The following AFF1 variants were observed in gnomAD, a reference collection of about 807,000 sequenced individuals.
AFF1 encodes ALF transcription elongation factor 1, also known as AF4/FMR2 family member 1.
Under a neutral mutation model 121.7 loss-of-function variants are expected in AFF1, and 48 were observed. That is an observed-to-expected ratio of 0.39 (90% CI 0.31 to 0.50). The LOEUF (loss-of-function observed/expected upper bound fraction) is 0.50, where lower values mean the gene tolerates loss of function less well. Ranked by LOEUF, AFF1 falls within the 20% of genes least tolerant of loss-of-function variation. AFF1 has a pLI of 0.76. For missense variants in AFF1, 1,523 were observed against 1,511.7 expected (o/e 1.01, Z -0.12); for synonymous variants, 613 against 563.0 (o/e 1.09, Z -1.26).
chr4:87,105,840 T>G lies in AFF1; in HGVS notation c.1371T>G (p.Pro457=). ...TPEKPPSSSA[P]PSAPQSLPEP... ...AGAAGCCTCCCTCCTCATCTGCACC[T>G]CCAAGGTACCGTGTGGGTTTCTCCC... The change falls in exon 10 of 21, where the codon CCT becomes CCG. Residue 457 remains proline (P), a synonymous_variant. Coordinates refer to ENST00000395146, the MANE Select transcript of AFF1 (RefSeq NM_001166693.3). 1 of 1,614,130 alleles carries G rather than the reference T, an allele frequency of 6.2e-7. No homozygotes were observed. Among genetic ancestry groups the G allele is most frequent in the Non-Finnish European group, 8.5e-7 (1 of 1,179,994 alleles).
rs537043625 is a variant in AFF1, at chr4:86,983,728, AAAAC to A, written c.38+35161_38+35164del. 3.4e-3 allele frequency among the ~76,000 whole-genome samples: 516 copies of A among 149,796 alleles called. 7 individuals carry two copies. Among genetic ancestry groups the A allele is most frequent in the African/African-American group, 0.012 (496 of 40,730 alleles). ...TGTCTCAAATGAAAAACCAAAAAAA[AAAAC>A]AAAAAACAAATAAAATACTTTGTCG... On this transcript the variant is annotated intron_variant, in intron 2 of 20. Transcript: ENST00000395146.
intron 2 of AFF1, among the ~76,000 whole-genome samples, chr4:86,976,428 A>G (rs1014727350): frequency 6.6e-5 from 10 of 152,158 alleles, no homozygotes; most frequent in Non-Finnish European, 1.2e-4. Flanking sequence ...ACCATGTCAT[A>G]TCACGCACCC....
chr4:86,961,574 G>T (rs1722145666), intron 2 of AFF1, among the ~76,000 whole-genome samples: 1 of 151,856 alleles, frequency 6.6e-6, no homozygotes, highest in African/African-American at 2.4e-5. Context: ...GGGGCATAGT[G>T]GGGGTGTGGG....
intron 2 of AFF1, among the ~76,000 whole-genome samples, chr4:86,972,799 C>T (rs1723036579): frequency 1.3e-5 from 2 of 152,148 alleles, no homozygotes; most frequent in Admixed American, 6.5e-5. Context: ...ATCTACCTCC[C>T]AAAGTGCTGG....
intron 2 of AFF1, among the ~76,000 whole-genome samples, chr4:87,012,531 T>C (rs1726882424): frequency 6.6e-6 from 1 of 152,160 alleles, no homozygotes; most frequent in African/African-American, 2.4e-5. Flanking sequence ...GGTTAAATGA[T>C]TACCAATCGT....
intron 4 of AFF1, among the ~76,000 whole-genome samples, chr4:87,083,083 A>G (rs756036122): frequency 3.9e-5 from 6 of 152,230 alleles, no homozygotes; most frequent in African/African-American, 9.6e-5. Flanking sequence ...GCAAGTTGCT[A>G]TTCCATTGAA....
intron 11 of AFF1, among the ~76,000 whole-genome samples, chr4:87,114,045 A>C (rs184480354): frequency 3.0e-4 from 46 of 152,372 alleles, no homozygotes; most frequent in African/African-American, 1.0e-3. Context: ...AGTAGTTCAC[A>C]AAACAAAATG....
Position 86,948,487 on chromosome 4 carries a change from T to A in AFF1, c.-36-11T>A. 1 of 1,525,198 alleles carries A rather than the reference T, an allele frequency of 6.6e-7. No individual in the cohort carries two copies. Among genetic ancestry groups the A allele is most frequent in the Non-Finnish European group, 8.8e-7 (1 of 1,136,720 alleles). 94.5% of individuals were successfully genotyped at this position (1,525,198 alleles called of 1,614,324 possible). A position where few individuals can be genotyped will look rare whatever the true frequency, so the allele number is the denominator to read the frequency against. On this transcript the variant is annotated splice_polypyrimidine_tract_variant and intron_variant, in intron 1 of 20. Coordinates refer to ENST00000395146, the MANE Select transcript of AFF1 (RefSeq NM_001166693.3). ...CTAATGTTCACAGGCTACTCTTTGTTTCTCTTTCAGATGAACAGACTAGCC... is the reference window on the plus strand; with the variant it reads ...CTAATGTTCACAGGCTACTCTTTGTATCTCTTTCAGATGAACAGACTAGCC...
At chr4:87,101,649 GCC>G (rs1725443697) in intron 8 of AFF1, among the ~76,000 whole-genome samples, 1 of 152,038 alleles carries the variant, frequency 6.6e-6, no homozygotes, top group African/African-American at 2.4e-5. Flanking sequence ...TGCCTTGTGT[GCC>G]ATTGCCCATC....
chr4:86,963,429 G>A (rs529163992), intron 2 of AFF1, among the ~76,000 whole-genome samples: 1 of 152,108 alleles, frequency 6.6e-6, no homozygotes, highest in African/African-American at 2.4e-5. Flanking sequence ...GTACCATGGG[G>A]GAGGGAAGGA....
In AFF1 at chr4:87,108,172, C is replaced by A; in HGVS notation, c.1390C>A (p.Leu464Ile). ...GTTGCTTTGCAGTGCTCCACAGTCC[C>A]TTCCAGAACCAGTGGCATCAGCACA... ...SSAPPSAPQSLPEPVASAHSS... is the reference protein window; with the variant it reads ...SSAPPSAPQSIPEPVASAHSS... The change falls in exon 11 of 21, where the codon CTT becomes ATT. Residue 464 changes from leucine to isoleucine, a missense_variant. Transcript: ENST00000395146. 6.2e-7 allele frequency: 1 copy of A among 1,614,040 alleles called. No individual in the cohort carries two copies. The highest frequency in any genetic ancestry group is 1.1e-5 in the South Asian group (1 of 91,026).
intron 11 of AFF1, among the ~76,000 whole-genome samples, chr4:87,111,910 A>G (rs1240053215): frequency 3.3e-5 from 5 of 152,184 alleles, no homozygotes; most frequent in Non-Finnish European, 7.3e-5. Context: ...GGACTACTAA[A>G]TGCATCTCAG....
At chr4:86,967,321 A>G (rs1722604097) in intron 2 of AFF1, among the ~76,000 whole-genome samples, 1 of 152,164 alleles carries the variant, frequency 6.6e-6, no homozygotes. Context: ...GGGCGAAAAG[A>G]AAAAACAAAA....
intron 4 of AFF1, among the ~76,000 whole-genome samples, chr4:87,066,699 GT>G (rs1489565712): frequency 1.3e-5 from 2 of 152,168 alleles, no homozygotes; most frequent in African/African-American, 4.8e-5. Context: ...ACAGGGAAAG[GT>G]TTTTTGTTCC....
At chr4:87,036,855 C>T (rs549522929) in intron 2 of AFF1, 105 of 468,698 alleles carry the variant, frequency 2.2e-4, no homozygotes, top group Non-Finnish European at 2.7e-4. Flanking sequence ...TTTTTTGAGA[C>T]GGCTTCTTGC....
intron 1 of AFF1, among the ~76,000 whole-genome samples, chr4:86,942,947 C>G (rs1720573444): frequency 6.6e-6 from 1 of 152,228 alleles, no homozygotes; most frequent in Non-Finnish European, 1.5e-5. Flanking sequence ...ACAGTTATTA[C>G]TTACAGCTAA....
intron 2 of AFF1, among the ~76,000 whole-genome samples, chr4:86,992,342 C>T (rs1421598013): frequency 6.6e-6 from 1 of 152,114 alleles, no homozygotes; most frequent in Non-Finnish European, 1.5e-5. Context: ...CACTTAGAGC[C>T]AGGAATATTG....
chr4:87,021,338 G>C (rs1401334910), intron 2 of AFF1, among the ~76,000 whole-genome samples: 1 of 152,222 alleles, frequency 6.6e-6, no homozygotes, highest in Non-Finnish European at 1.5e-5. Context: ...TCACTCACCA[G>C]ACACCACTCA....
chr4:86,999,669 G>GA (rs1425139380), intron 2 of AFF1, among the ~76,000 whole-genome samples: 1 of 152,184 alleles, frequency 6.6e-6, no homozygotes, highest in African/African-American at 2.4e-5. Context: ...ATTGAGAAGA[G>GA]ACAAGTAAGG....
Sources: gnomAD v4.1 joint callset for allele counts (sites outside exome capture counted in the v4.1 genomes callset) on GRCh38, gnomAD v4.1.1 for gene constraint, MANE v1.5 for transcripts, NCBI Gene and HGNC (gene_info 2026-07-23, HGNC 2026-07-21) for gene names.